The following MTMR7 variants were observed in gnomAD, a reference collection of about 807,000 sequenced individuals.
MTMR7 encodes the protein myotubularin related protein 7.
Under a neutral mutation model 81.2 loss-of-function variants are expected in MTMR7, and 76 were observed. The ratio of observed to expected loss-of-function variants is 0.94; its 90% CI spans 0.78 to 1.13. The LOEUF (loss-of-function observed/expected upper bound fraction) is 1.13, where lower values mean the gene tolerates loss of function less well. Among genes scored for constraint, MTMR7 ranks in the 50% most tolerant of loss-of-function variants. The pLI is 0.00. For synonymous variants in MTMR7, 372 were observed against 289.8 expected, an observed-to-expected ratio of 1.28 and a Z score of -2.88; for missense variants, 1,044 against 820.0, an observed-to-expected ratio of 1.27 and a Z score of -3.34.
intron 3 of MTMR7, among the ~76,000 whole-genome samples, chr8:17,368,038 G>A (rs937936509): frequency 2.6e-5 from 4 of 151,828 alleles, no homozygotes; most frequent in African/African-American, 4.8e-5. Flanking sequence ...CAACCTTTTC[G>A]GTACCAGGGA....
intron 7 of MTMR7, among the ~76,000 whole-genome samples, chr8:17,330,640 G>A (rs1012209855): frequency 2.0e-5 from 3 of 152,098 alleles, no homozygotes; most frequent in Admixed American, 6.5e-5. Context: ...TGTCATGTTC[G>A]CCATATATGT....
intron 3 of MTMR7, among the ~76,000 whole-genome samples, chr8:17,362,084 G>C (rs1306845889): frequency 6.6e-6 from 1 of 151,956 alleles, no homozygotes; most frequent in Non-Finnish European, 1.5e-5. Context: ...AGAGACCAGC[G>C]CTATCCAACA....
At chr8:17,337,841 C>T (rs958676333) in intron 6 of MTMR7, among the ~76,000 whole-genome samples, 1 of 152,042 alleles carries the variant, frequency 6.6e-6, no homozygotes, top group Non-Finnish European at 1.5e-5. Context: ...CTGGTGTCTC[C>T]CAAAAAATGT....
chr8:17,337,744 T>C (rs1186710013), intron 6 of MTMR7, among the ~76,000 whole-genome samples: 2 of 152,162 alleles, frequency 1.3e-5, no homozygotes, highest in African/African-American at 4.8e-5. Flanking sequence ...GCCTCCCAAA[T>C]AGCTGGGACT....
intron 1 of MTMR7, among the ~76,000 whole-genome samples, chr8:17,380,008 G>T (rs1041089752): frequency 6.6e-6 from 1 of 152,190 alleles, no homozygotes; most frequent in African/African-American, 2.4e-5. Context: ...AGGTAATTAA[G>T]GAAGAGCTGT....
chr8:17,370,313 G>A (rs1225978218), intron 3 of MTMR7, among the ~76,000 whole-genome samples: 1 of 151,814 alleles, frequency 6.6e-6, no homozygotes, highest in Non-Finnish European at 1.5e-5. Context: ...TTGAGGCCAC[G>A]AGTTCAAGAC....
At chr8:17,352,877 C>A (rs931489291) in intron 4 of MTMR7, among the ~76,000 whole-genome samples, 1 of 152,226 alleles carries the variant, frequency 6.6e-6, no homozygotes, top group South Asian at 2.1e-4. Context: ...CCACTATGGA[C>A]AACAGCATGG....
intron 5 of MTMR7, chr8:17,346,087 T>G (rs1819543308): frequency 6.6e-6 from 1 of 152,236 alleles, no homozygotes; most frequent in Non-Finnish European, 1.5e-5. Flanking sequence ...AGATAACTAC[T>G]CTGGTATTTC....
chr8:17,362,198 C>CA (rs1431796770), intron 3 of MTMR7, among the ~76,000 whole-genome samples: 2 of 152,044 alleles, frequency 1.3e-5, no homozygotes, highest in Admixed American at 6.5e-5. Flanking sequence ...CCAATATATC[C>CA]AAAATCATTA....
intron 3 of MTMR7, among the ~76,000 whole-genome samples, chr8:17,367,680 T>C (rs1024305691): frequency 6.6e-6 from 1 of 152,146 alleles, no homozygotes; most frequent in Non-Finnish European, 1.5e-5. Flanking sequence ...AAATCCTAAC[T>C]CAGTAAAGAG....
At chr8:17,305,182 A>C (rs1296395092) in intron 11 of MTMR7, among the ~76,000 whole-genome samples, 1 of 152,178 alleles carries the variant, frequency 6.6e-6, no homozygotes, top group Middle Eastern at 3.2e-3. Flanking sequence ...TCATTCCCCA[A>C]ATTAAATCTG....
intron 3 of MTMR7, among the ~76,000 whole-genome samples, chr8:17,367,351 G>A (rs1369119726): frequency 6.6e-6 from 1 of 152,130 alleles, no homozygotes; most frequent in Non-Finnish European, 1.5e-5. Context: ...ACAGCAGGAG[G>A]CAAATTGGAG....
intron 3 of MTMR7, among the ~76,000 whole-genome samples, chr8:17,366,234 G>A (rs1437692420): frequency 1.3e-5 from 2 of 152,148 alleles, no homozygotes; most frequent in African/African-American, 2.4e-5. Flanking sequence ...AGGGAGAGAT[G>A]AGGGTACAAC....
chr8:17,326,798 A>C (rs2150521453), intron 7 of MTMR7, among the ~76,000 whole-genome samples: 1 of 152,356 alleles, frequency 6.6e-6, no homozygotes, highest in East Asian at 1.9e-4. Context: ...TGCAGCCTTG[A>C]AAGATGCTAA....
At chr8:17,364,916 T>G (rs1398408197) in intron 3 of MTMR7, among the ~76,000 whole-genome samples, 1 of 152,260 alleles carries the variant, frequency 6.6e-6, no homozygotes, top group Non-Finnish European at 1.5e-5. Context: ...ATTTCAATCT[T>G]TCCAGTAAGC....
chr8:17,334,449 T>A (rs552540635), intron 6 of MTMR7, among the ~76,000 whole-genome samples: 1 of 152,322 alleles, frequency 6.6e-6, no homozygotes, highest in East Asian at 1.9e-4. Flanking sequence ...AGTTCTCAAG[T>A]AGATAAAGCA....
At chr8:17,400,442 T>G (rs1821393946) in intron 1 of MTMR7, among the ~76,000 whole-genome samples, 1 of 152,122 alleles carries the variant, frequency 6.6e-6, no homozygotes, top group African/African-American at 2.4e-5. Context: ...ATTTTGCGTT[T>G]TGATGTTGAG....
intron 4 of MTMR7, among the ~76,000 whole-genome samples, chr8:17,360,851 G>A (rs935320655): frequency 6.6e-6 from 1 of 152,066 alleles, no homozygotes; most frequent in African/African-American, 2.4e-5. Flanking sequence ...TGTCCACAAG[G>A]CCTGCCACCC....
At chr8:17,385,249 G>A (rs1373543999) in intron 1 of MTMR7, among the ~76,000 whole-genome samples, 1 of 152,106 alleles carries the variant, frequency 6.6e-6, no homozygotes. Context: ...TCATGGGGCA[G>A]TTTCTCCTGA....
Sources: gnomAD v4.1 joint callset for allele counts (sites outside exome capture counted in the v4.1 genomes callset) on GRCh38, gnomAD v4.1.1 for gene constraint, MANE v1.5 for transcripts, NCBI Gene and HGNC (gene_info 2026-07-23, HGNC 2026-07-21) for gene names.